Variants in PIGN observed in about 807,000 individuals in gnomAD.
PIGN encodes phosphatidylinositol glycan anchor biosynthesis class N.
PIGN carries 117 observed loss-of-function variants against 125.4 expected under a neutral mutation model. The ratio of observed to expected loss-of-function variants is 0.93; its 90% CI spans 0.80 to 1.09. The LOEUF is 1.09. PIGN is among the 50% of genes least tolerant of loss of function. The pLI is 0.00. For synonymous variants in PIGN, 392 were observed against 377.8 expected (o/e 1.04, Z -0.44); for missense variants, 1,075 against 1,094.9 (o/e 0.98, Z 0.26).
chr18:62,140,470 C>A lies in PIGN; in HGVS notation c.973G>T (p.Ala325Ser). 1 of 1,540,594 alleles carries A rather than the reference C, an allele frequency of 6.5e-7. No individual in the cohort carries two copies. Among genetic ancestry groups the A allele is most frequent in the Non-Finnish European group, 8.9e-7 (1 of 1,125,208 alleles). ...KRLDVNQADI[A>S]PLMTSLIGVP... The stretch of plus-strand genomic sequence containing the variant: ...CCAATAAGGGAAGTCATCAATGGTG[C>A]AATATCAGCCTACAAATAAAAAAGC... Residue 325 changes from alanine to serine, a missense_variant, in exon 12 of 31, where the codon GCA becomes TCA. Physicochemically the swap from Ala to Ser is moderately conservative, Grantham distance 99 (BLOSUM62 1). Around this residue, in one of 3 missense-constraint regions of PIGN, gnomAD observed 915 missense variants for 908.7 expected, o/e 1.01. Coordinates refer to ENST00000640252, the MANE Select transcript of PIGN (RefSeq NM_176787.5).
intron 1 of PIGN, among the ~76,000 whole-genome samples, chr18:62,174,613 C>T (rs1366383246): frequency 6.6e-6 from 1 of 152,068 alleles, no homozygotes; most frequent in Non-Finnish European, 1.5e-5. Flanking sequence ...GACTTAACTA[C>T]CATCATAGAC....
At chr18:62,048,715 A>ATTG (rs2030959413) in intron 30 of PIGN, among the ~76,000 whole-genome samples, 2 of 141,606 alleles carry the variant, frequency 1.4e-5, no homozygotes, top group Non-Finnish European at 3.1e-5. Context: ...TTTTATTATT[A>ATTG]TTATACTTTA....
chr18:62,133,236 C>A (rs2035805789), intron 14 of PIGN, among the ~76,000 whole-genome samples: 1 of 152,204 alleles, frequency 6.6e-6, no homozygotes, highest in South Asian at 2.1e-4. Context: ...CCATTTTGCA[C>A]TTACATTATT....
intron 30 of PIGN, among the ~76,000 whole-genome samples, chr18:62,067,697 T>C (rs2032604206): frequency 6.6e-6 from 1 of 152,244 alleles, no homozygotes; most frequent in South Asian, 2.1e-4. Context: ...TGTATGGCAA[T>C]AGCACAATTT....
intron 28 of PIGN, among the ~76,000 whole-genome samples, chr18:62,079,680 A>G (rs1183941276): frequency 9.3e-5 from 14 of 150,986 alleles, no homozygotes; most frequent in Non-Finnish European, 2.1e-4. Flanking sequence ...TATCTGATCT[A>G]GGTGAATGAG....
At chr18:62,033,996 A>G (rs1416761894) in intron 23 of PIGN, among the ~76,000 whole-genome samples, 1 of 152,230 alleles carries the variant, frequency 6.6e-6, no homozygotes, top group East Asian at 1.9e-4. Context: ...ACTAATAAGA[A>G]GCAGAGCCCA....
chr18:62,034,940 G>A (rs2030238905), intron 23 of PIGN, among the ~76,000 whole-genome samples: 1 of 152,076 alleles, frequency 6.6e-6, no homozygotes, highest in Non-Finnish European at 1.5e-5. Flanking sequence ...CTATGGTTTG[G>A]CTCTGTGTCC....
At chr18:62,173,582 T>C (rs1263059615) in intron 1 of PIGN, among the ~76,000 whole-genome samples, 1 of 152,160 alleles carries the variant, frequency 6.6e-6, no homozygotes, top group Non-Finnish European at 1.5e-5. Context: ...TAGCGGATTC[T>C]GGCATTAGGT....
intron 30 of PIGN, among the ~76,000 whole-genome samples, chr18:62,061,511 C>CAAAAAAAAAAAA (rs373391589): frequency 9.0e-5 from 3 of 33,234 alleles, no homozygotes; most frequent in East Asian, 9.1e-4. Flanking sequence ...GACTCCGTCT[C>CAAAAAAAAAAAA]AAAAAAAAAA....
chr18:62,185,923 A>C (rs1013104300), intron 1 of PIGN, among the ~76,000 whole-genome samples: 2 of 152,182 alleles, frequency 1.3e-5, no homozygotes, highest in African/African-American at 4.8e-5. Context: ...AAGTTCCAAA[A>C]CCTTGATTCT....
rs144461169 is a variant in PIGN at position 62,064,353 on chromosome 18, T to C, written c.2672+8320A>G. On this transcript the variant is annotated intron_variant, in intron 30 of 30. Coordinates refer to ENST00000640252, the MANE Select transcript of PIGN (RefSeq NM_176787.5). ...CATACCAGTTATACATCCTTATGCT[T>C]AAGTTCCTGATGAAGTAGCTATCTG... Among the ~76,000 whole-genome samples, 111 of 152,328 alleles carry C rather than the reference T, an allele frequency of 7.3e-4. 2 individuals are homozygous for C. The East Asian group carries it at 0.02, about 28-fold the overall frequency.
chr18:62,062,882 CTTTTTTTTTTTTTTTTTT>C (rs71160811), intron 30 of PIGN, among the ~76,000 whole-genome samples: 1 of 21,066 alleles, frequency 4.7e-5, no homozygotes, highest in Non-Finnish European at 7.9e-5. Context: ...TTGTATTCTG[CTTTTTTTTTTTTTTTTTT>C]TTTTTTTTTT....
intron 30 of PIGN, among the ~76,000 whole-genome samples, chr18:62,050,543 T>C (rs1215456905): frequency 1.3e-5 from 2 of 151,152 alleles, no homozygotes; most frequent in Admixed American, 6.6e-5. Flanking sequence ...TTTTTGTACA[T>C]TGATTTTGTA....
intron 22 of PIGN, among the ~76,000 whole-genome samples, chr18:62,096,516 CTTTTTTTTTT>C (rs398033140): frequency 1.1e-4 from 9 of 85,650 alleles, no homozygotes; most frequent in African/African-American, 2.7e-4. Context: ...GAATTATTTT[CTTTTTTTTTT>C]TTTTTTTTTT....
intron 16 of PIGN, among the ~76,000 whole-genome samples, chr18:62,112,265 C>T (rs754014570): frequency 1.2e-4 from 18 of 152,142 alleles, no homozygotes; most frequent in South Asian, 2.1e-4. Flanking sequence ...ACACTAATGG[C>T]CTTACTTCCA....
intron 29 of PIGN, among the ~76,000 whole-genome samples, chr18:62,073,808 C>T (rs771520393): frequency 5.3e-5 from 8 of 152,144 alleles, no homozygotes; most frequent in African/African-American, 1.4e-4. Flanking sequence ...CCAAAAAGAC[C>T]GCTGGTGTTC....
chr18:62,152,866 ATAT>A (rs1177307594), intron 7 of PIGN, among the ~76,000 whole-genome samples: 5 of 50,238 alleles, frequency 1.0e-4, no homozygotes, highest in African/African-American at 3.8e-4. Context: ...ATATATATAT[ATAT>A]TTTTTTTTTT....
At chr18:62,026,721 T>C (rs899646787) in intron 23 of PIGN, among the ~76,000 whole-genome samples, 2 of 152,202 alleles carry the variant, frequency 1.3e-5, no homozygotes, top group African/African-American at 2.4e-5. Flanking sequence ...ACTGCCACTC[T>C]TGTCAAAAGA....
At chr18:62,132,798 C>T (rs893221590) in intron 14 of PIGN, among the ~76,000 whole-genome samples, 14 of 152,066 alleles carry the variant, frequency 9.2e-5, no homozygotes, top group African/African-American at 2.9e-4. Flanking sequence ...ATATTCAGTT[C>T]TTTAATCAAT....
Sources: gnomAD v4.1 joint callset for allele counts (sites outside exome capture counted in the v4.1 genomes callset) on GRCh38, gnomAD v4.1.1 for gene constraint, gnomAD v4.1.1 regional missense constraint, MANE v1.5 for transcripts, NCBI Gene and HGNC (gene_info 2026-07-23, HGNC 2026-07-21) for gene names.